The following TMEM132B variants were observed in gnomAD, a reference collection of about 807,000 sequenced individuals.
The protein encoded by TMEM132B is transmembrane protein 132B.
In TMEM132B, 18 loss-of-function variants were observed where a neutral mutation model predicts 90.8. The ratio of observed to expected loss-of-function variants is 0.20; its 90% CI spans 0.14 to 0.29. The LOEUF (loss-of-function observed/expected upper bound fraction) is 0.29. TMEM132B is among the 10% of genes least tolerant of loss of function. TMEM132B has a pLI of 1.00. For missense variants in TMEM132B, 1,096 were observed against 1,326.8 expected (o/e 0.83, Z 2.70); for synonymous variants, 504 against 523.3 (o/e 0.96, Z 0.50).
At position 125,391,642 on chromosome 12, in the gene TMEM132B, G is replaced by A. The variant is rs560750395; in HGVS notation, c.960-23889G>A. ...TGTGTGCGTGGACAGTGGAAGTTCT[G>A]CTTGCGTTCTGCTCCCTCCCATCTT... On this transcript the variant is annotated intron_variant, in intron 2 of 8. Coordinates refer to ENST00000682704, the MANE Select transcript of TMEM132B (RefSeq NM_001366854.1). Among the ~76,000 whole-genome samples, 5 of 152,242 alleles carry A rather than the reference G, an allele frequency of 3.3e-5. No homozygotes were observed. In the East Asian group the frequency reaches 9.7e-4, roughly 29 times the overall value.
At chr12:125,217,542 G>C (rs1434155186) in intron 1 of TMEM132B, among the ~76,000 whole-genome samples, 5 of 152,150 alleles carry the variant, frequency 3.3e-5, no homozygotes, top group Non-Finnish European at 7.3e-5. Flanking sequence ...GACCTTCCAG[G>C]CTTAGGCGAT....
At chr12:125,354,354 A>C (rs1328827449) in intron 2 of TMEM132B, among the ~76,000 whole-genome samples, 1 of 152,084 alleles carries the variant, frequency 6.6e-6, no homozygotes, top group Non-Finnish European at 1.5e-5. Flanking sequence ...CAACTGGGAG[A>C]TTTTATATAC....
intron 3 of TMEM132B, among the ~76,000 whole-genome samples, chr12:125,496,828 A>G (rs1028105749): frequency 6.6e-6 from 1 of 151,964 alleles, no homozygotes; most frequent in Non-Finnish European, 1.5e-5. Flanking sequence ...TGCGAGGACC[A>G]CTCTCTGTTA....
At chr12:125,641,905 C>T (rs1886640103) in intron 5 of TMEM132B, among the ~76,000 whole-genome samples, 1 of 152,120 alleles carries the variant, frequency 6.6e-6, no homozygotes, top group South Asian at 2.1e-4. Flanking sequence ...AAAGTTCTGG[C>T]AATAGGTGAT....
chr12:125,269,961 C>G (rs1328729195), intron 1 of TMEM132B, among the ~76,000 whole-genome samples: 1 of 151,832 alleles, frequency 6.6e-6, no homozygotes, highest in Non-Finnish European at 1.5e-5. Context: ...AAGGGGATCA[C>G]TTGAGCCCAG....
rs138885699 is a variant in TMEM132B at position 125,370,688 on chromosome 12, C to T, written c.959+20345C>T. Among the ~76,000 whole-genome samples the T allele has an allele frequency of 7.5e-3, 1,148 of 152,286 alleles. 9 individuals carry two copies. The highest frequency in any genetic ancestry group is 0.017 in the Middle Eastern group (5 of 294). ...CCTCCCAAAGTGCTGGGATTATAGG[C>T]ATGAGCTACCGCATCCGGCCAATTT... is the stretch of plus-strand genomic sequence containing the variant. On this transcript the variant is annotated intron_variant, in intron 2 of 8. Transcript: ENST00000682704.
intron 2 of TMEM132B, among the ~76,000 whole-genome samples, chr12:125,367,358 G>A (rs1364885424): frequency 6.6e-6 from 1 of 152,152 alleles, no homozygotes; most frequent in Non-Finnish European, 1.5e-5. Flanking sequence ...TAGTCAAACT[G>A]CAGATCTCTT....
At chr12:125,448,053 G>C (rs987798085) in intron 3 of TMEM132B, among the ~76,000 whole-genome samples, 1 of 152,130 alleles carries the variant, frequency 6.6e-6, no homozygotes, top group East Asian at 1.9e-4. Context: ...GTCACCTGAG[G>C]TCAGGAGTTT....
chr12:125,293,100 G>A (rs1021071008), intron 1 of TMEM132B, among the ~76,000 whole-genome samples: 2 of 152,172 alleles, frequency 1.3e-5, no homozygotes, highest in African/African-American at 4.8e-5. Flanking sequence ...TTCAACACAT[G>A]CCATTGACAT....
chr12:125,417,372 G>T (rs1880046078), intron 3 of TMEM132B, among the ~76,000 whole-genome samples: 1 of 152,162 alleles, frequency 6.6e-6, no homozygotes, highest in Admixed American at 6.5e-5. Flanking sequence ...ATGAGTCTCT[G>T]GTATTATTTC....
At chr12:125,238,387 C>CAAAAAAAAAAAAAAAAAAAAAAA (rs1565981391) in intron 1 of TMEM132B, among the ~76,000 whole-genome samples, 5 of 137,616 alleles carry the variant, frequency 3.6e-5, no homozygotes, top group African/African-American at 1.1e-4. Flanking sequence ...CAAAAAAAAA[C>CAAAAAAAAAAAAAAAAAAAAAAA]CAAAAAAACA....
At chr12:125,543,343 C>T (rs1263624754) in intron 4 of TMEM132B, among the ~76,000 whole-genome samples, 1 of 152,148 alleles carries the variant, frequency 6.6e-6, no homozygotes, top group African/African-American at 2.4e-5. Flanking sequence ...AACAATACAA[C>T]AATAAACAAT....
At chr12:125,621,907 AT>A (rs1334918541) in intron 5 of TMEM132B, among the ~76,000 whole-genome samples, 1 of 152,196 alleles carries the variant, frequency 6.6e-6, no homozygotes, top group Non-Finnish European at 1.5e-5. Flanking sequence ...GACACGCTCT[AT>A]TTGTCTAGAA....
intron 1 of TMEM132B, among the ~76,000 whole-genome samples, chr12:125,295,544 C>CAGAGAGAGAG (rs1555237247): frequency 0.13 from 10,666 of 79,320 alleles, 515 homozygotes; most frequent in South Asian, 0.19. Flanking sequence ...GAGAGAGAGA[C>CAGAGAGAGAG]AGAGACAGAG....
intron 1 of TMEM132B, among the ~76,000 whole-genome samples, chr12:125,205,985 A>T (rs1009501016): frequency 6.6e-6 from 1 of 152,146 alleles, no homozygotes; most frequent in African/African-American, 2.4e-5. Context: ...ACCCTCCTGA[A>T]TCTGGTCTGG....
At chr12:125,189,836 A>G (rs2136046223) in intron 1 of TMEM132B, among the ~76,000 whole-genome samples, 1 of 152,212 alleles carries the variant, frequency 6.6e-6, no homozygotes, top group East Asian at 1.9e-4. Context: ...TGGGCCGGCA[A>G]AGCCCTTTCA....
At chr12:125,523,513 A>G (rs1056602322) in intron 4 of TMEM132B, among the ~76,000 whole-genome samples, 3 of 151,972 alleles carry the variant, frequency 2.0e-5, no homozygotes, top group African/African-American at 7.2e-5. Flanking sequence ...CCCTAACTTC[A>G]TCACACTTGC....
rs1307041030 is a variant in TMEM132B, at chr12:125,246,127, C to A, written c.67+59261C>A. 1.3e-5 allele frequency among the ~76,000 whole-genome samples: 2 copies of A among 152,232 alleles called. No homozygotes were observed. Among genetic ancestry groups the A allele is most frequent in the African/African-American group, 4.8e-5 (2 of 41,458 alleles). The stretch of plus-strand genomic sequence containing the variant: ...TGACTGGCGCTGCCTCTCCAGTGAT[C>A]CAGTGATCCTGCTGGCTTTCCGCTT... On this transcript the variant is annotated intron_variant, in intron 1 of 8. Coordinates refer to ENST00000682704, the MANE Select transcript of TMEM132B (RefSeq NM_001366854.1). The surrounding 1 kb of genome is among the most constrained non-coding windows in gnomAD (Gnocchi z 4.2).
intron 2 of TMEM132B, among the ~76,000 whole-genome samples, chr12:125,413,704 G>A (rs11612474): frequency 0.014 from 2,081 of 152,250 alleles, 28 homozygotes; most frequent in African/African-American, 0.039. Flanking sequence ...ATAATATTCC[G>A]TCATATGGAT....
Sources: gnomAD v4.1 joint callset for allele counts (sites outside exome capture counted in the v4.1 genomes callset) on GRCh38, gnomAD v4.1.1 for gene constraint, Gnocchi (gnomAD v3.1) non-coding constraint, MANE v1.5 for transcripts, NCBI Gene and HGNC (gene_info 2026-07-23, HGNC 2026-07-21) for gene names.